Variants in SLC24A2 observed in about 807,000 individuals in gnomAD.
The protein encoded by SLC24A2 is solute carrier family 24 member 2.
A neutral mutation model predicts 62.0 loss-of-function variants in SLC24A2; 36 were observed. The ratio of observed to expected loss-of-function variants is 0.58; its 90% CI spans 0.44 to 0.77. SLC24A2 has a LOEUF of 0.77. Among genes scored for constraint, SLC24A2 ranks in the 30% least tolerant of loss-of-function variants. The pLI, the probability that SLC24A2 is intolerant of heterozygous loss-of-function variation, is 0.00. For missense variants in SLC24A2, 846 were observed against 817.9 expected (o/e 1.03, Z -0.42); for synonymous variants, 358 against 294.0 (o/e 1.22, Z -2.23).
At chr9:19,963,400 G>A in the SLC24A2 span, among the ~76,000 whole-genome samples, 1 of 150,732 alleles carries the variant, frequency 6.6e-6, no homozygotes, top group South Asian at 2.1e-4. Flanking sequence ...CTTCTGCACA[G>A]CAAAAGAAAC....
intron 10 of SLC24A2, among the ~76,000 whole-genome samples, chr9:19,518,974 C>G (rs1467969152): frequency 6.6e-6 from 1 of 151,964 alleles, no homozygotes; most frequent in Admixed American, 6.6e-5. Context: ...GGAATTTATC[C>G]TAACAAATAA....
the SLC24A2 span, among the ~76,000 whole-genome samples, chr9:20,193,637 A>T: frequency 6.6e-6 from 1 of 152,134 alleles, no homozygotes; most frequent in South Asian, 2.1e-4. Context: ...TGAAACTGAT[A>T]AACAGGATAG....
At chr9:19,842,213 T>C in the SLC24A2 span, among the ~76,000 whole-genome samples, 1 of 152,250 alleles carries the variant, frequency 6.6e-6, no homozygotes, top group African/African-American at 2.4e-5. Context: ...CAGAATGCCC[T>C]ATCCATCATC....
At chr9:20,104,475 A>G in the SLC24A2 span, among the ~76,000 whole-genome samples, 1 of 152,254 alleles carries the variant, frequency 6.6e-6, no homozygotes, top group Non-Finnish European at 1.5e-5. Flanking sequence ...CACAAAGGGA[A>G]GCCCATCAGA....
the SLC24A2 span, among the ~76,000 whole-genome samples, chr9:19,885,597 T>A: frequency 6.6e-6 from 1 of 152,150 alleles, no homozygotes; most frequent in South Asian, 2.1e-4. Context: ...TGAGGATAAT[T>A]TTTTAAGACT....
chr9:20,017,409 A>G, the SLC24A2 span, among the ~76,000 whole-genome samples: 1 of 152,154 alleles, frequency 6.6e-6, no homozygotes, highest in East Asian at 1.9e-4. Context: ...AAATATCTTT[A>G]TCATATATTA....
At chr9:19,883,609 A>G in the SLC24A2 span, among the ~76,000 whole-genome samples, 1 of 149,312 alleles carries the variant, frequency 6.7e-6, no homozygotes, top group Non-Finnish European at 1.5e-5. Flanking sequence ...TCTGTCGCCC[A>G]GGCTGAAGTG....
the SLC24A2 span, among the ~76,000 whole-genome samples, chr9:20,300,619 T>C: frequency 3.3e-5 from 5 of 152,282 alleles, no homozygotes; most frequent in East Asian, 9.6e-4. Context: ...CTGGTACCCA[T>C]AGAGTCCCCA....
intron 9 of SLC24A2, among the ~76,000 whole-genome samples, chr9:19,521,892 T>C (rs1833222141): frequency 1.3e-5 from 2 of 151,852 alleles, no homozygotes; most frequent in African/African-American, 4.8e-5. Flanking sequence ...TTTTTTGGTC[T>C]TTTTCTTTGC....
intron 2 of SLC24A2, among the ~76,000 whole-genome samples, chr9:19,784,322 T>G (rs932464778): frequency 6.6e-6 from 1 of 152,208 alleles, no homozygotes; most frequent in African/African-American, 2.4e-5. Context: ...ACATATACCA[T>G]TGGATTGCTC....
At chr9:19,656,160 T>C (rs529330805) in intron 2 of SLC24A2, among the ~76,000 whole-genome samples, 2 of 152,330 alleles carry the variant, frequency 1.3e-5, no homozygotes, top group East Asian at 3.9e-4. Context: ...ATCATTTCCA[T>C]AGAGAGAGCT....
At chr9:20,176,486 T>C in the SLC24A2 span, among the ~76,000 whole-genome samples, 10 of 152,100 alleles carry the variant, frequency 6.6e-5, no homozygotes, top group South Asian at 6.2e-4. Flanking sequence ...AAAACCTTTT[T>C]CAGAAATGTA....
chr9:19,707,877 T>G (rs867883901), intron 2 of SLC24A2, among the ~76,000 whole-genome samples: 20 of 152,202 alleles, frequency 1.3e-4, no homozygotes, highest in Admixed American at 9.2e-4. Flanking sequence ...CCACTCCTAT[T>G]CAACATAGTG....
the SLC24A2 span, among the ~76,000 whole-genome samples, chr9:20,216,559 G>T: frequency 6.6e-6 from 1 of 152,096 alleles, no homozygotes; most frequent in Non-Finnish European, 1.5e-5. Flanking sequence ...TGATCTGGGG[G>T]CTTTCAAAAG....
At chr9:20,155,656 G>A in the SLC24A2 span, among the ~76,000 whole-genome samples, 2 of 151,714 alleles carry the variant, frequency 1.3e-5, no homozygotes, top group East Asian at 3.9e-4. Flanking sequence ...GGCATGGAAA[G>A]AAAATTAAGC....
the SLC24A2 span, among the ~76,000 whole-genome samples, chr9:20,281,747 T>G: frequency 6.6e-6 from 1 of 152,316 alleles, no homozygotes; most frequent in Non-Finnish European, 1.5e-5. Context: ...GGGTTGTCAA[T>G]TTTTAGCTAT....
intron 2 of SLC24A2, among the ~76,000 whole-genome samples, chr9:19,695,244 G>A (rs1470908350): frequency 1.3e-5 from 2 of 152,064 alleles, no homozygotes; most frequent in East Asian, 3.9e-4. Context: ...AGCCCCAAAT[G>A]TCAGTAGTGC....
At chr9:20,059,194 T>C in the SLC24A2 span, among the ~76,000 whole-genome samples, 1 of 152,178 alleles carries the variant, frequency 6.6e-6, no homozygotes, top group Non-Finnish European at 1.5e-5. Flanking sequence ...TTATCCAGCT[T>C]GGCGAGTGTA....
chr9:20,089,210 C>T, the SLC24A2 span, among the ~76,000 whole-genome samples: 5 of 152,102 alleles, frequency 3.3e-5, no homozygotes, highest in African/African-American at 9.7e-5. Flanking sequence ...TGGTCTGGAC[C>T]CCCAGCACAG....
Sources: gnomAD v4.1 joint callset for allele counts (sites outside exome capture counted in the v4.1 genomes callset) on GRCh38, gnomAD v4.1.1 for gene constraint, MANE v1.5 for transcripts, NCBI Gene and HGNC (gene_info 2026-07-23, HGNC 2026-07-21) for gene names.